PCDH11X: variants seen among roughly 807,000 people sequenced by gnomAD.
PCDH11X encodes the protein protocadherin 11 X-linked.
In PCDH11X, 18 loss-of-function variants were observed where a neutral mutation model predicts 53.3. The observed-to-expected ratio is 0.34, with a 90% confidence interval of 0.23 to 0.50. The LOEUF (loss-of-function observed/expected upper bound fraction) is 0.50, where lower values mean the gene tolerates loss of function less well. Among genes scored for constraint, PCDH11X ranks in the 20% least tolerant of loss-of-function variants. The pLI is 0.98. For synonymous variants in PCDH11X, 279 were observed against 393.3 expected (o/e 0.71, Z 3.44); for missense variants, 570 against 1,032.4 (o/e 0.55, Z 6.14).
rs35233881 is a variant in PCDH11X at position 92,126,127 on chromosome X, C to CAA, written c.3034-75239_3034-75238dup. 1.3e-4 allele frequency among the ~76,000 whole-genome samples: 13 copies of CAA among 101,001 alleles called. No individual in the cohort carries two copies. In the South Asian group the frequency reaches 1.8e-3, roughly 14 times the overall value. 87.7% of individuals were successfully genotyped at this position (101,001 alleles called of 115,157 possible). ...GGGTGACAAGAATGAAACTCTGTCT[C>CAA]AAAAAAAAAATAAAATAAAATAAAA... On this transcript the variant is annotated intron_variant, in intron 6 of 10. Transcript: ENST00000682573.
At chrX:91,902,890 T>C (rs1175067172) in intron 6 of PCDH11X, among the ~76,000 whole-genome samples, 2 of 110,001 alleles carry the variant, frequency 1.8e-5, no homozygotes, top group African/African-American at 6.6e-5. Context: ...TGACTTTACA[T>C]TTAAAATATT....
chrX:92,590,260 G>T (rs915219436), intron 10 of PCDH11X, among the ~76,000 whole-genome samples: 2 of 110,823 alleles, frequency 1.8e-5, no homozygotes, highest in Non-Finnish European at 3.8e-5. Flanking sequence ...TCCCACATGG[G>T]GTGGCTGGCA....
chrX:92,566,985 G>A (rs1264619365), intron 10 of PCDH11X, among the ~76,000 whole-genome samples: 1 of 107,617 alleles, frequency 9.3e-6, no homozygotes, highest in African/African-American at 3.4e-5. Context: ...TGGTCTATGT[G>A]TCTGTTCTAG....
intron 9 of PCDH11X, among the ~76,000 whole-genome samples, chrX:92,418,806 C>T (rs1429433961): frequency 9.6e-6 from 1 of 104,298 alleles, no homozygotes; most frequent in Non-Finnish European, 2.0e-5. Flanking sequence ...ATTGTATTTG[C>T]TGTTCTTCAA....
chrX:92,523,939 C>A (rs1206943081), intron 10 of PCDH11X, among the ~76,000 whole-genome samples: 1 of 109,426 alleles, frequency 9.1e-6, no homozygotes, highest in Admixed American at 9.8e-5. Context: ...ATTTTAGATT[C>A]TTTTTTATGA....
At chrX:92,105,364 G>T (rs1235707572) in intron 6 of PCDH11X, among the ~76,000 whole-genome samples, 1 of 110,654 alleles carries the variant, frequency 9.0e-6, no homozygotes, top group East Asian at 2.9e-4. Context: ...TGGATCTTAC[G>T]GAGCAAAAAG....
At chrX:92,470,163 T>G (rs1603338217) in intron 10 of PCDH11X, among the ~76,000 whole-genome samples, 1 of 108,177 alleles carries the variant, frequency 9.2e-6, no homozygotes, top group African/African-American at 3.3e-5. Context: ...TGGGATAAAT[T>G]TCTTGATTCC....
At chrX:92,444,558 G>GCT (rs1252605117) in intron 9 of PCDH11X, among the ~76,000 whole-genome samples, 1 of 109,455 alleles carries the variant, frequency 9.1e-6, no homozygotes, top group Non-Finnish European at 1.9e-5. Flanking sequence ...GCTCTGGCTA[G>GCT]CTCTTCTGAT....
chrX:91,987,988 T>C (rs1407490704), intron 6 of PCDH11X, among the ~76,000 whole-genome samples: 1 of 110,855 alleles, frequency 9.0e-6, no homozygotes, highest in Non-Finnish European at 1.9e-5. Flanking sequence ...TTTTTTCATT[T>C]ATGAGCTGTG....
chrX:91,827,740 G>T (rs1421251979), intron 4 of PCDH11X, among the ~76,000 whole-genome samples: 2 of 111,614 alleles, frequency 1.8e-5, no homozygotes, highest in Non-Finnish European at 3.8e-5. Flanking sequence ...CTTCAGCTTT[G>T]TGGATGATCA....
intron 6 of PCDH11X, among the ~76,000 whole-genome samples, chrX:92,198,493 C>T (rs2066336154): frequency 9.5e-6 from 1 of 105,152 alleles, no homozygotes; most frequent in Non-Finnish European, 1.9e-5. Flanking sequence ...TGCAATTAGT[C>T]AAGTTAAGGA....
chrX:92,152,428 T>G (rs1011590300), intron 6 of PCDH11X, among the ~76,000 whole-genome samples: 1 of 111,949 alleles, frequency 8.9e-6, no homozygotes, highest in Non-Finnish European at 1.9e-5. Flanking sequence ...CAAATGTATA[T>G]TTTCTTGTAT....
chrX:92,193,097 G>T (rs2066228352), intron 6 of PCDH11X, among the ~76,000 whole-genome samples: 1 of 111,330 alleles, frequency 9.0e-6, no homozygotes. Flanking sequence ...TAACATTTAG[G>T]AATTATCAAT....
chrX:92,379,755 C>T (rs1400485258), intron 8 of PCDH11X, among the ~76,000 whole-genome samples: 4 of 110,806 alleles, frequency 3.6e-5, no homozygotes, highest in African/African-American at 6.6e-5. Context: ...ATAAAAACTC[C>T]AGGACTCAGT....
chrX:92,523,984 A>T (rs1323727519), intron 10 of PCDH11X, among the ~76,000 whole-genome samples: 5 of 109,839 alleles, frequency 4.6e-5, no homozygotes, highest in African/African-American at 1.0e-4. Context: ...TCTTTCTGAG[A>T]TCAGAATTTT....
At chrX:91,830,753 A>T (rs1417368807) in intron 4 of PCDH11X, among the ~76,000 whole-genome samples, 4 of 110,994 alleles carry the variant, frequency 3.6e-5, no homozygotes, top group African/African-American at 1.3e-4. Context: ...TGGAATGATG[A>T]GATTTAAGTG....
intron 6 of PCDH11X, among the ~76,000 whole-genome samples, chrX:92,149,487 G>GTATA (rs201866727): frequency 0.03 from 3,103 of 102,626 alleles, 149 homozygotes; most frequent in African/African-American, 0.11. Context: ...ATGTGTGTGT[G>GTATA]TATATATATA....
At chrX:92,421,427 CA>C (rs1230979080) in intron 9 of PCDH11X, among the ~76,000 whole-genome samples, 1 of 111,875 alleles carries the variant, frequency 8.9e-6, no homozygotes, top group Non-Finnish European at 1.9e-5. Context: ...TACGTTTCTG[CA>C]AAGAACATGA....
chrX:91,848,194 T>A (rs1188971071), intron 5 of PCDH11X, among the ~76,000 whole-genome samples: 1 of 98,952 alleles, frequency 1.0e-5, no homozygotes, highest in African/African-American at 3.5e-5. Context: ...AAGAGAGGAA[T>A]TTTTTTTTTG....
Sources: gnomAD v4.1 joint callset for allele counts (sites outside exome capture counted in the v4.1 genomes callset) on GRCh38, gnomAD v4.1.1 for gene constraint, MANE v1.5 for transcripts, NCBI Gene and HGNC (gene_info 2026-07-23, HGNC 2026-07-21) for gene names.